CDK13: variants seen among roughly 807,000 people sequenced by gnomAD.
The protein encoded by CDK13 is cyclin dependent kinase 13.
CDK13 carries 40 observed loss-of-function variants against 137.6 expected under a neutral mutation model. The observed-to-expected ratio is 0.29, with a 90% CI of 0.23 to 0.38. CDK13 has a LOEUF of 0.38. Ranked by LOEUF, CDK13 falls within the 10% of genes least tolerant of loss-of-function variation. The probability of loss-of-function intolerance (pLI) is 1.00; values close to 1 mark genes in which losing one functional copy is unlikely to be tolerated. For missense variants in CDK13, 1,704 were observed against 1,951.8 expected (o/e 0.87, Z 2.39); for synonymous variants, 869 against 760.1 (o/e 1.14, Z -2.36).
intron 6 of CDK13, 53 bp downstream of exon 6, chr7:40,046,078 A>G (rs1223802170): frequency 1.0e-5 from 11 of 1,094,766 alleles, no homozygotes; most frequent in Middle Eastern, 3.1e-4. Context: ...ATGGACATGT[A>G]CATGGAGAGA....
intron 1 of CDK13, among the ~76,000 whole-genome samples, chr7:39,979,096 GTAA>G (rs1784168740): frequency 6.6e-6 from 1 of 152,074 alleles, no homozygotes; most frequent in Non-Finnish European, 1.5e-5. Flanking sequence ...TTTGGGACAT[GTAA>G]TAATCGCTGA....
At chr7:39,961,543 C>T (rs1783726012) in intron 1 of CDK13, among the ~76,000 whole-genome samples, 1 of 152,124 alleles carries the variant, frequency 6.6e-6, no homozygotes, top group Non-Finnish European at 1.5e-5. Context: ...CATTCTACTC[C>T]CTACTTCTAT....
At chr7:39,971,466 A>G (rs1328638361) in intron 1 of CDK13, among the ~76,000 whole-genome samples, 1 of 152,144 alleles carries the variant, frequency 6.6e-6, no homozygotes, top group Non-Finnish European at 1.5e-5. Flanking sequence ...GCCATGAGCC[A>G]AGATCTTGCC....
Position 39,951,604 on chromosome 7 carries a change from C to A in CDK13, c.963C>A (p.Gly321=). Residue 321 remains glycine (G), a synonymous_variant, in exon 1 of 14, where the codon GGC becomes GGA. Transcript: ENST00000181839. ...RRRRSLSPLG[G]RDDSPVSHRA... ...GGCGGTCCCTCAGCCCACTGGGAGG[C>A]CGGGACGACAGCCCGGTGTCCCACA... 1 of 1,483,546 alleles carries A rather than the reference C, an allele frequency of 6.7e-7. No individual in the cohort carries two copies. Among genetic ancestry groups the A allele is most frequent in the Non-Finnish European group, 8.9e-7 (1 of 1,119,960 alleles). The allele number at this position is 1,483,546 out of a possible 1,614,324, so 91.9% of individuals were successfully genotyped here.
intron 7 of CDK13, among the ~76,000 whole-genome samples, chr7:40,049,423 A>C (rs2150518416): frequency 6.7e-6 from 1 of 150,358 alleles, no homozygotes; most frequent in African/African-American, 2.4e-5. Context: ...TTTTTTTTGA[A>C]GTTTAAAACT....
chr7:40,008,002 G>A (rs959550618), intron 5 of CDK13, among the ~76,000 whole-genome samples: 2 of 152,054 alleles, frequency 1.3e-5, no homozygotes, highest in Non-Finnish European at 1.5e-5. Context: ...ATGAAAGATC[G>A]GCATATCTCC....
chr7:40,030,097 A>G (rs192830432), intron 5 of CDK13, among the ~76,000 whole-genome samples: 4 of 152,312 alleles, frequency 2.6e-5, no homozygotes, highest in African/African-American at 4.8e-5. Flanking sequence ...AAGCACTAGT[A>G]GCATCTCTTT....
intron 1 of CDK13, among the ~76,000 whole-genome samples, chr7:39,974,556 CTTTTTTTTT>C (rs59844316): frequency 6.6e-4 from 88 of 133,024 alleles, no homozygotes; most frequent in Admixed American, 1.9e-3. Context: ...TTCTTTTTTT[CTTTTTTTTT>C]TTTTTTTTTT....
chr7:40,014,635 T>G (rs1191603983), intron 5 of CDK13, among the ~76,000 whole-genome samples: 2 of 151,950 alleles, frequency 1.3e-5, no homozygotes, highest in Non-Finnish European at 2.9e-5. Context: ...TTGTAATTTT[T>G]TGTAGAGATG....
At chr7:40,032,881 C>T (rs190066880) in intron 5 of CDK13, among the ~76,000 whole-genome samples, 1 of 152,224 alleles carries the variant, frequency 6.6e-6, no homozygotes, top group African/African-American at 2.4e-5. Context: ...GAATCTTTTA[C>T]TATCTATATA....
intron 7 of CDK13, among the ~76,000 whole-genome samples, chr7:40,057,504 C>T (rs538224812): frequency 6.6e-6 from 1 of 152,116 alleles, no homozygotes; most frequent in Non-Finnish European, 1.5e-5. Flanking sequence ...CTGGAGAGCA[C>T]TTGGTCATGT....
chr7:39,960,617 G>T (rs976301838), intron 1 of CDK13, among the ~76,000 whole-genome samples: 27 of 151,564 alleles, frequency 1.8e-4, no homozygotes, highest in Non-Finnish European at 3.8e-4. Context: ...TGTCGCCCAG[G>T]CTGTAGTGCA....
At chr7:40,083,441 T>G (rs934184694) in intron 11 of CDK13, among the ~76,000 whole-genome samples, 4 of 152,252 alleles carry the variant, frequency 2.6e-5, no homozygotes, top group African/African-American at 7.2e-5. Flanking sequence ...TGTTACTGTT[T>G]CTTTTCACAG....
In CDK13 at chr7:39,950,549, C is replaced by T; in HGVS notation, c.-93C>T. ...CCGGCTCTGGTGCTCGGTGTCCCTC[C>T]GCCGCCGCTCCCGTTTCCGGCGGGG... On this transcript the variant is annotated 5_prime_UTR_variant, in exon 1 of 14. Transcript: ENST00000181839. The T allele has an allele frequency of 7.8e-7, 1 of 1,274,424 alleles. No homozygotes were observed. The highest frequency in any genetic ancestry group is 3.1e-5 in the East Asian group (1 of 31,750). The allele number at this position is 1,274,424 out of a possible 1,614,324, so 78.9% of individuals were successfully genotyped here.
At chr7:39,963,193 G>C (rs1272573883) in intron 1 of CDK13, among the ~76,000 whole-genome samples, 1 of 152,086 alleles carries the variant, frequency 6.6e-6, no homozygotes, top group African/African-American at 2.4e-5. Context: ...GGATGGCATT[G>C]AATCTATAAA....
chr7:39,977,641 C>T lies in CDK13; in HGVS notation c.1212-9958C>T, dbSNP rs138058211. On this transcript the variant is annotated intron_variant, in intron 1 of 13. Coordinates refer to ENST00000181839, the MANE Select transcript of CDK13 (RefSeq NM_003718.5). Reference sequence around the variant, plus strand: ...GAGAAACATTCTAGGCCTGACACTTCCTATATTTTGTGATGGCTGGACAAG... The same window carrying T: ...GAGAAACATTCTAGGCCTGACACTTTCTATATTTTGTGATGGCTGGACAAG... Among the ~76,000 whole-genome samples, 397 of 152,220 alleles carry T rather than the reference C, an allele frequency of 2.6e-3. 2 individuals are homozygous for T. The highest frequency in any genetic ancestry group is 6.8e-3 in the Middle Eastern group (2 of 294).
chr7:40,099,169 T>C lies in CDK13; in HGVS notation c.*4189T>C, dbSNP rs1787097077. On this transcript the variant is annotated 3_prime_UTR_variant, in exon 14 of 14. Transcript: ENST00000181839. ...ATTTACCAAAGGCTTCTCCAGATAA[T>C]TTCTTAAATGTTTCTACTTAAAAAT... 6.6e-6 allele frequency: 1 copy of C among 152,090 alleles called. No homozygotes were observed. Among genetic ancestry groups the C allele is most frequent in the South Asian group, 2.1e-4 (1 of 4,830 alleles). 9.4% of individuals were successfully genotyped at this position (152,090 alleles called of 1,614,324 possible).
intron 1 of CDK13, among the ~76,000 whole-genome samples, chr7:39,983,599 ATG>A: frequency 6.6e-6 from 1 of 152,190 alleles, no homozygotes; most frequent in East Asian, 1.9e-4. Flanking sequence ...AATATAGTTT[ATG>A]TGTCTGAATG....
chr7:40,027,373 T>C (rs1785266218), intron 5 of CDK13, among the ~76,000 whole-genome samples: 1 of 152,128 alleles, frequency 6.6e-6, no homozygotes, highest in Non-Finnish European at 1.5e-5. Context: ...AAAAAAACTT[T>C]TATTTAACCC....
Sources: allele counts gnomAD v4.1 joint callset (sites outside exome capture counted in the v4.1 genomes callset), GRCh38; gene constraint gnomAD v4.1.1; transcripts MANE v1.5; gene names NCBI Gene and HGNC (gene_info 2026-07-23, HGNC 2026-07-21).